PCDHGA3: variants seen among roughly 807,000 people sequenced by gnomAD.
The protein encoded by PCDHGA3 is protocadherin gamma-A3.
Under a neutral mutation model 58.5 loss-of-function variants are expected in PCDHGA3, and 40 were observed. That is an observed-to-expected ratio of 0.68 (90% CI 0.53 to 0.89). The LOEUF (loss-of-function observed/expected upper bound fraction) is 0.89. Ranked by LOEUF, PCDHGA3 falls within the 40% of genes least tolerant of loss-of-function variation. PCDHGA3 has a pLI of 0.00. For synonymous variants in PCDHGA3, 530 were observed against 525.7 expected (o/e 1.01, Z -0.11); for missense variants, 1,223 against 1,195.9 (o/e 1.02, Z -0.33).
rs1210429084 is a variant in PCDHGA3 at position 141,487,045 on chromosome 5, T to C, written c.2425-7762T>C. 2 of 1,614,088 alleles carry C rather than the reference T, an allele frequency of 1.2e-6. No individual in the cohort carries two copies. Among genetic ancestry groups the C allele is most frequent in the Non-Finnish European group, 1.7e-6 (2 of 1,180,036 alleles). On this transcript the variant is annotated intron_variant, in intron 1 of 3. Coordinates refer to ENST00000253812, the MANE Select transcript of PCDHGA3 (RefSeq NM_018916.4). This position sits in a 1 kb window ranked among gnomAD's most constrained non-coding sequence, Gnocchi z 5.0. ...CCAGCCTGTTTGCAGTCTCTCGATA[T>C]GCTGGGGAGGTGCGGACGGCTGTTC...
chr5:141,408,332 G>A, intron 1 of PCDHGA3: 1 of 1,613,912 alleles, frequency 6.2e-7, no homozygotes, highest in South Asian at 1.1e-5. Context: ...GCTGGCCAAG[G>A]GCTCGGTGGT....
intron 1 of PCDHGA3, chr5:141,385,394 C>T: frequency 1.3e-5 from 19 of 1,499,976 alleles, no homozygotes; most frequent in Non-Finnish European, 1.7e-5. Context: ...TTTTGCAAAA[C>T]AAATGTTTTG....
At chr5:141,349,457 T>G (rs1162654950) in intron 1 of PCDHGA3, among the ~76,000 whole-genome samples, 1 of 152,200 alleles carries the variant, frequency 6.6e-6, no homozygotes, top group Admixed American at 6.5e-5. Context: ...AAAGCATGTA[T>G]GTGTACCCCA....
chr5:141,361,727 C>A, intron 1 of PCDHGA3: 1 of 1,613,274 alleles, frequency 6.2e-7, no homozygotes, highest in Non-Finnish European at 8.5e-7. Flanking sequence ...TTCGAGCTCA[C>A]ACTGCAGGCC....
chr5:141,385,687 C>T, intron 1 of PCDHGA3: 1 of 334,978 alleles, frequency 3.0e-6, no homozygotes, highest in Non-Finnish European at 4.4e-6. Context: ...GCTGTCTTCT[C>T]AGGATTCTCT....
In PCDHGA3 at chr5:141,350,654, G is replaced by A. The variant is rs777439506; in HGVS notation, c.2424+4197G>A. On this transcript the variant is annotated intron_variant, in intron 1 of 3. Transcript: ENST00000253812. ...TAATGACAATGCACCACGTTTCGTT[G>A]CAAAAGGCATTGACTTAGAAATTTG... The A allele has an allele frequency of 8.7e-6, 14 of 1,614,026 alleles. No individual in the cohort carries two copies. The South Asian group carries it at 1.4e-4, about 16-fold the overall frequency.
At chr5:141,425,546 A>G (rs2096882460) in intron 1 of PCDHGA3, among the ~76,000 whole-genome samples, 1 of 152,202 alleles carries the variant, frequency 6.6e-6, no homozygotes, top group African/African-American at 2.4e-5. Flanking sequence ...CTTTTCAGAA[A>G]CCTCTTTTAT....
At chr5:141,356,906 C>A (rs768015584) in intron 1 of PCDHGA3, 2 of 1,614,228 alleles carry the variant, frequency 1.2e-6, no homozygotes, top group Non-Finnish European at 1.7e-6. Context: ...ACCTTCCCTA[C>A]TGATGGCTCC....
At chr5:141,404,266 C>T in intron 1 of PCDHGA3, 1 of 1,613,980 alleles carries the variant, frequency 6.2e-7, no homozygotes. Flanking sequence ...AAATTCACAT[C>T]ACCCTGCAAG....
chr5:141,375,700 C>T (rs746996990), intron 1 of PCDHGA3: 9 of 1,614,270 alleles, frequency 5.6e-6, no homozygotes, highest in Middle Eastern at 3.3e-4. Flanking sequence ...ACAGCGGGGA[C>T]CCGCCTCTTA....
intron 1 of PCDHGA3, among the ~76,000 whole-genome samples, chr5:141,454,032 C>T (rs2098780173): frequency 6.6e-6 from 1 of 152,126 alleles, no homozygotes; most frequent in Non-Finnish European, 1.5e-5. Flanking sequence ...AAGAATTGGC[C>T]AGCAAAGATA....
chr5:141,495,077 C>T (rs1237589417), intron 2 of PCDHGA3, among the ~76,000 whole-genome samples: 4 of 152,180 alleles, frequency 2.6e-5, no homozygotes, highest in African/African-American at 9.7e-5. Flanking sequence ...AATTCACATG[C>T]TTGCCCCTTC....
chr5:141,394,463 G>A (rs1244366845), intron 1 of PCDHGA3: 2 of 1,614,248 alleles, frequency 1.2e-6, no homozygotes, highest in South Asian at 2.2e-5. Flanking sequence ...CACTGAGCCT[G>A]TTCGTGCTGG....
intron 1 of PCDHGA3, chr5:141,350,692 AC>A (rs780794690): frequency 1.4e-4 from 225 of 1,612,578 alleles, no homozygotes; most frequent in Non-Finnish European, 1.8e-4. Context: ...AGTCAGCCTT[AC>A]CCGGGGTAAA....
rs777463041 is a variant in PCDHGA3 at position 141,344,025 on chromosome 5, G to A, written c.-9G>A. On this transcript the variant is annotated 5_prime_UTR_variant, in exon 1 of 4. Coordinates refer to ENST00000253812, the MANE Select transcript of PCDHGA3 (RefSeq NM_018916.4). The stretch of plus-strand genomic sequence containing the variant: ...CCGAATTCAGAGAAAGCGATTCACC[G>A]AAAAGGAAATGACCAATTGCCTGAG... 2 of 1,527,384 alleles carry A rather than the reference G, an allele frequency of 1.3e-6. No individual in the cohort carries two copies. Among genetic ancestry groups the A allele is most frequent in the Non-Finnish European group, 1.8e-6 (2 of 1,139,622 alleles). 94.6% of individuals were successfully genotyped at this position (1,527,384 alleles called of 1,614,324 possible).
At position 141,438,276 on chromosome 5, in the gene PCDHGA3, ATAATT is replaced by A. The variant is rs533892835; in HGVS notation, c.2425-56526_2425-56522del. ...TGAAGAGACCATAGAATCAAACAAA[ATAATT>A]TAATCTGTATGTAAAAGAAGTTGGT... On this transcript the variant is annotated intron_variant, in intron 1 of 3. Coordinates refer to ENST00000253812, the MANE Select transcript of PCDHGA3 (RefSeq NM_018916.4). 1.4e-3 allele frequency among the ~76,000 whole-genome samples: 213 copies of A among 152,246 alleles called. 1 individual carries two copies. The highest frequency in any genetic ancestry group is 4.8e-3 in the African/African-American group (199 of 41,534).
chr5:141,407,869 A>T lies in PCDHGA3; in HGVS notation c.2424+61412A>T, dbSNP rs1031666668. ...GGATGTACACCTGCATTTTCGAAGA[A>T]TATATACATTTCGGAGACCGAATTC... On this transcript the variant is annotated intron_variant, in intron 1 of 3. Coordinates refer to ENST00000253812, the MANE Select transcript of PCDHGA3 (RefSeq NM_018916.4). Among the ~76,000 whole-genome samples, 20 of 152,262 alleles carry T rather than the reference A, an allele frequency of 1.3e-4. No homozygotes were observed. The East Asian group carries it at 1.5e-3, about 12-fold the overall frequency.
rs547284271 is a variant in PCDHGA3 at position 141,489,064 on chromosome 5, C to G, written c.2425-5743C>G. On this transcript the variant is annotated intron_variant, in intron 1 of 3. Coordinates refer to ENST00000253812, the MANE Select transcript of PCDHGA3 (RefSeq NM_018916.4). This position sits in a 1 kb window ranked among gnomAD's most constrained non-coding sequence, Gnocchi z 4.5. ...TCCACTCAAATTCAGCTCCCCTCCC[C>G]CCTGCCCACCCCCGCCACTCGGTGA... 1.9e-4 allele frequency: 74 copies of G among 387,742 alleles called. No homozygotes were observed. The highest frequency in any genetic ancestry group is 1.5e-3 in the African/African-American group (70 of 47,296). The allele number at this position is 387,742 out of a possible 1,614,324, so 24.0% of individuals were successfully genotyped here. A position where few individuals can be genotyped will look rare whatever the true frequency, so the allele number is the denominator to read the frequency against.
intron 1 of PCDHGA3, chr5:141,382,742 A>G: frequency 1.7e-6 from 1 of 585,144 alleles, no homozygotes; most frequent in Non-Finnish European, 2.9e-6. Flanking sequence ...GAGAAACGAC[A>G]GATTGCGATA....
Sources: gnomAD v4.1 joint callset for allele counts (sites outside exome capture counted in the v4.1 genomes callset) on GRCh38, gnomAD v4.1.1 for gene constraint, Gnocchi (gnomAD v3.1) non-coding constraint, MANE v1.5 for transcripts, NCBI Gene and HGNC (gene_info 2026-07-23, HGNC 2026-07-21) for gene names.